LRIG2: variants seen among roughly 807,000 people sequenced by gnomAD.
The protein encoded by LRIG2 is leucine-rich repeats and immunoglobulin-like domains protein 2.
In LRIG2, 93 loss-of-function variants were observed where a neutral mutation model predicts 107.8. That is an observed-to-expected ratio of 0.86 (90% confidence interval 0.73 to 1.03). The LOEUF (loss-of-function observed/expected upper bound fraction) is 1.03, where lower values mean the gene tolerates loss of function less well. Ranked by LOEUF, LRIG2 falls within the 50% of genes least tolerant of loss-of-function variation. The probability of loss-of-function intolerance (pLI) is 0.00; values close to 1 mark genes in which losing one functional copy is unlikely to be tolerated. For synonymous variants in LRIG2, 471 were observed against 470.6 expected (o/e 1.00, Z -0.01); for missense variants, 1,226 against 1,296.0 (o/e 0.95, Z 0.83).
At position 113,073,334 on chromosome 1, in the gene LRIG2, T is replaced by C; in HGVS notation, c.-73T>C. 1 of 1,266,648 alleles carries C rather than the reference T, an allele frequency of 7.9e-7. No individual in the cohort carries two copies. The highest frequency in any genetic ancestry group is 1.3e-5 in the South Asian group (1 of 77,118). The allele number at this position is 1,266,648 out of a possible 1,614,324, so 78.5% of individuals were successfully genotyped here. A position where few individuals can be genotyped will look rare whatever the true frequency, so the allele number is the denominator to read the frequency against. ...AGACAGTGCAGCCACCGAGCATCTC[T>C]GCTGAGCTTCTCCGCCGATCCTCCT... On this transcript the variant is annotated 5_prime_UTR_variant, in exon 1 of 18. Coordinates refer to ENST00000361127, the MANE Select transcript of LRIG2 (RefSeq NM_014813.3).
chr1:113,123,031 C>T (rs1282465293), intron 17 of LRIG2, among the ~76,000 whole-genome samples: 1 of 152,142 alleles, frequency 6.6e-6, no homozygotes, highest in Non-Finnish European at 1.5e-5. Context: ...ATGAGAAATG[C>T]ATATTTGAAA....
At chr1:113,114,350 T>C (rs1050824703) in intron 14 of LRIG2, 77 bp from the exon 15 acceptor site, 2 of 833,246 alleles carry the variant, frequency 2.4e-6, no homozygotes, top group Admixed American at 2.6e-5. Flanking sequence ...ATACCCCCAT[T>C]GGTCTAATTC....
Position 113,073,350 on chromosome 1 carries a change from C to A in LRIG2, c.-57C>A. The stretch of plus-strand genomic sequence containing the variant: ...GAGCATCTCTGCTGAGCTTCTCCGC[C>A]GATCCTCCTTTTCTAGCAGGCAGCT... On this transcript the variant is annotated 5_prime_UTR_variant, in exon 1 of 18. Transcript: ENST00000361127. 7.0e-7 allele frequency: 1 copy of A among 1,423,142 alleles called. No individual in the cohort carries two copies. The highest frequency in any genetic ancestry group is 9.8e-7 in the Non-Finnish European group (1 of 1,016,394). The allele number at this position is 1,423,142 out of a possible 1,614,324, so 88.2% of individuals were successfully genotyped here.
intron 11 of LRIG2, among the ~76,000 whole-genome samples, chr1:113,102,332 C>T (rs969103204): frequency 1.3e-5 from 2 of 151,462 alleles, no homozygotes; most frequent in African/African-American, 4.9e-5. Context: ...CCAGTGGTGC[C>T]ATCTCAGCTC....
chr1:113,094,246 TG>T, intron 4 of LRIG2, 92 bp from the exon 5 acceptor site: 1 of 824,224 alleles, frequency 1.2e-6, no homozygotes, highest in Non-Finnish European at 1.9e-6. Context: ...GTGATAGAGC[TG>T]GGGGCTTAGA....
At chr1:113,115,718 G>C (rs924841555) in intron 15 of LRIG2, among the ~76,000 whole-genome samples, 3 of 151,936 alleles carry the variant, frequency 2.0e-5, no homozygotes, top group African/African-American at 7.3e-5. Context: ...AGTTGAGACG[G>C]GGTTTCACCA....
rs76585600 is a variant in LRIG2, at chr1:113,097,648, T to C, written c.1092-1057T>C. On this transcript the variant is annotated intron_variant, in intron 8 of 17. Coordinates refer to ENST00000361127, the MANE Select transcript of LRIG2 (RefSeq NM_014813.3). ...ATTTTAGTATACCACTGATTATTAC[T>C]TTTAGAATTAAAGTTTTGGGAAGTA... Among the ~76,000 whole-genome samples, 8 of 152,326 alleles carry C rather than the reference T, an allele frequency of 5.3e-5. No individual in the cohort carries two copies. In the East Asian group the frequency reaches 1.5e-3, roughly 29 times the overall value.
chr1:113,111,398 A>G (rs1654768078), intron 13 of LRIG2, among the ~76,000 whole-genome samples: 1 of 152,210 alleles, frequency 6.6e-6, no homozygotes, highest in Non-Finnish European at 1.5e-5. Context: ...ATAGTGGTGC[A>G]TTCTGAGAAT....
intron 9 of LRIG2, among the ~76,000 whole-genome samples, chr1:113,099,217 G>A (rs1654200722): frequency 6.8e-6 from 1 of 147,030 alleles, no homozygotes; most frequent in Non-Finnish European, 1.5e-5. Context: ...TTATAGGTAT[G>A]AGCCACTGAA....
At position 113,124,241 on chromosome 1, in the gene LRIG2, C is replaced by T. The variant is rs1570781721; in HGVS notation, c.*140C>T. ...TGCATCTGACCGCACCAAGGTGGGC[C>T]ATGCGTTGTTTGGTCTTATACCTGA... On this transcript the variant is annotated 3_prime_UTR_variant, in exon 18 of 18. Transcript: ENST00000361127. 3 of 730,000 alleles carry T rather than the reference C, an allele frequency of 4.1e-6. No homozygotes were observed. The East Asian group carries it at 8.1e-5, about 20-fold the overall frequency. 45.2% of individuals were successfully genotyped at this position (730,000 alleles called of 1,614,324 possible).
At chr1:113,109,557 G>A (rs541600532) in intron 12 of LRIG2, among the ~76,000 whole-genome samples, 1 of 152,298 alleles carries the variant, frequency 6.6e-6, no homozygotes, top group South Asian at 2.1e-4. Context: ...TCGCTCTTTT[G>A]CCCAGGCTGG....
intron 1 of LRIG2, among the ~76,000 whole-genome samples, chr1:113,082,701 T>G (rs1200021131): frequency 6.6e-6 from 1 of 152,220 alleles, no homozygotes; most frequent in Admixed American, 6.6e-5. Context: ...TTGCCCAGGC[T>G]GGAGTGCAGT....
intron 6 of LRIG2, 124 bp from the exon 7 acceptor site, chr1:113,095,750 A>G (rs1180743291): frequency 1.2e-6 from 1 of 838,788 alleles, no homozygotes; most frequent in East Asian, 2.6e-5. Flanking sequence ...ATTGAATAGA[A>G]TTGGTCAGCT....
intron 1 of LRIG2, among the ~76,000 whole-genome samples, chr1:113,084,035 TA>T (rs398053354): frequency 0.011 from 1,627 of 141,700 alleles, 13 homozygotes; most frequent in Admixed American, 0.021. Context: ...ATAATAATAA[TA>T]ATAATATTGG....
At chr1:113,089,235 A>G (rs80226381) in intron 1 of LRIG2, among the ~76,000 whole-genome samples, 1 of 152,218 alleles carries the variant, frequency 6.6e-6, no homozygotes. Context: ...GTTGCTAGCC[A>G]TATTGTAACA....
intron 17 of LRIG2, among the ~76,000 whole-genome samples, chr1:113,121,855 C>T (rs991755459): frequency 6.6e-6 from 1 of 151,868 alleles, no homozygotes; most frequent in Non-Finnish European, 1.5e-5. Flanking sequence ...ATCTAATGTC[C>T]CATGTTAGAT....
chr1:113,073,412 G>A lies in LRIG2; in HGVS notation c.6G>A (p.Ala2=). 2 of 1,613,460 alleles carry A rather than the reference G, an allele frequency of 1.2e-6. No homozygotes were observed. The highest frequency in any genetic ancestry group is 1.7e-6 in the Non-Finnish European group (2 of 1,179,578). Residue 2 remains alanine (A), a synonymous_variant, in exon 1 of 18, where the codon GCG becomes GCA. Transcript: ENST00000361127. M[A]PAPLGVPEEQ... ...CGTCCAGGTCGAGGGGGAAAATGGC[G>A]CCGGCGCCCCTAGGCGTCCCGGAGG...
intron 8 of LRIG2, 124 bp downstream of exon 8, chr1:113,096,489 C>G (rs1293565397): frequency 9.8e-7 from 1 of 1,025,458 alleles, no homozygotes; most frequent in Non-Finnish European, 1.4e-6. Flanking sequence ...GTTCTTCTGT[C>G]CTATGCCTCA....
At chr1:113,084,005 TAATA>T (rs1653414313) in intron 1 of LRIG2, among the ~76,000 whole-genome samples, 1 of 109,158 alleles carries the variant, frequency 9.2e-6, no homozygotes, top group Non-Finnish European at 2.0e-5. Flanking sequence ...AGTATAATAA[TAATA>T]ATAATAATAA....
Sources: gnomAD v4.1 joint callset for allele counts (sites outside exome capture counted in the v4.1 genomes callset) on GRCh38, gnomAD v4.1.1 for gene constraint, MANE v1.5 for transcripts, NCBI Gene and HGNC (gene_info 2026-07-23, HGNC 2026-07-21) for gene names.